Variants in DISC1 observed in about 807,000 individuals in gnomAD.
DISC1 encodes the protein DISC1 scaffold protein, also known as disrupted in schizophrenia 1 protein.
Under a neutral mutation model 84.5 loss-of-function variants are expected in DISC1, and 57 were observed. That is an observed-to-expected ratio of 0.67 (90% CI 0.55 to 0.84). The LOEUF (loss-of-function observed/expected upper bound fraction) is 0.84, where lower values mean the gene tolerates loss of function less well. Among genes scored for constraint, DISC1 ranks in the 40% least tolerant of loss-of-function variants. The probability of loss-of-function intolerance (pLI) is 0.00; values close to 1 mark genes in which losing one functional copy is unlikely to be tolerated. For missense variants in DISC1, 1,000 were observed against 1,057.8 expected, an observed-to-expected ratio of 0.95 and a Z score of 0.76; for synonymous variants, 411 against 415.2, an observed-to-expected ratio of 0.99 and a Z score of 0.12.
At chr1:231,857,107 C>T (rs886941911) in intron 9 of DISC1, among the ~76,000 whole-genome samples, 2 of 152,138 alleles carry the variant, frequency 1.3e-5, no homozygotes, top group African/African-American at 4.8e-5. Context: ...TGGGAATGTT[C>T]AAGGCCCTGG....
chr1:231,826,688 G>T lies in DISC1; in HGVS notation c.1981+8171G>T, dbSNP rs550842894. Among the ~76,000 whole-genome samples, 1 of 152,206 alleles carries T rather than the reference G, an allele frequency of 6.6e-6. No individual in the cohort carries two copies. Among genetic ancestry groups the T allele is most frequent in the Middle Eastern group, 3.4e-3 (1 of 294 alleles). On this transcript the variant is annotated intron_variant, in intron 9 of 12. Transcript: ENST00000439617. The surrounding 1 kb of genome is among the most constrained non-coding windows in gnomAD (Gnocchi z 4.2). ...AAGTTGAACTATAGCAATTTAATTGGATACATATTCATTGACTTCAAACCA... is the reference window on the plus strand; with the variant it reads ...AAGTTGAACTATAGCAATTTAATTGTATACATATTCATTGACTTCAAACCA...
chr1:231,779,526 G>A (rs1398881182), intron 6 of DISC1, among the ~76,000 whole-genome samples: 1 of 126,390 alleles, frequency 7.9e-6, no homozygotes, highest in Non-Finnish European at 1.6e-5. Flanking sequence ...TGTGGAATAT[G>A]TATACTTGGT....
intron 3 of DISC1, among the ~76,000 whole-genome samples, chr1:231,704,730 A>G (rs1332731704): frequency 5.2e-5 from 7 of 134,898 alleles, no homozygotes; most frequent in Non-Finnish European, 9.3e-5. Flanking sequence ...ACTGCACTCC[A>G]GCCTGGGCGA....
At chr1:231,760,277 G>A (rs895077364) in intron 4 of DISC1, among the ~76,000 whole-genome samples, 3 of 152,224 alleles carry the variant, frequency 2.0e-5, no homozygotes, top group South Asian at 4.1e-4. Flanking sequence ...TTAGGGCATC[G>A]TTTATTGAAT....
chr1:231,628,968 T>C (rs913200198), intron 1 of DISC1, among the ~76,000 whole-genome samples: 1 of 152,040 alleles, frequency 6.6e-6, no homozygotes, highest in African/African-American at 2.4e-5. Context: ...ACCTCCTGGC[T>C]TCAATCATTC....
chr1:231,692,047 A>G (rs2125641675), intron 1 of DISC1, among the ~76,000 whole-genome samples: 1 of 152,282 alleles, frequency 6.6e-6, no homozygotes, highest in Middle Eastern at 3.4e-3. Flanking sequence ...AGGCAAAGGG[A>G]ATTGAAAGGG....
At chr1:231,751,040 T>A (rs867629697) in intron 4 of DISC1, among the ~76,000 whole-genome samples, 25 of 152,220 alleles carry the variant, frequency 1.6e-4, no homozygotes, top group African/African-American at 5.8e-4. Flanking sequence ...TGTAGCAGAG[T>A]GAATGGCACC....
chr1:231,632,355 T>C (rs1288032640), intron 1 of DISC1, among the ~76,000 whole-genome samples: 1 of 152,216 alleles, frequency 6.6e-6, no homozygotes, highest in Non-Finnish European at 1.5e-5. Flanking sequence ...TGCTTGCTCA[T>C]CATAAAAAAA....
At chr1:232,012,370 T>C (rs1668093107) in intron 11 of DISC1, among the ~76,000 whole-genome samples, 1 of 152,182 alleles carries the variant, frequency 6.6e-6, no homozygotes, top group Admixed American at 6.5e-5. Flanking sequence ...GGGTCCAGGA[T>C]TTTAGACTAC....
chr1:231,917,307 A>G (rs1246027114), intron 9 of DISC1, among the ~76,000 whole-genome samples: 1 of 152,156 alleles, frequency 6.6e-6, no homozygotes, highest in African/African-American at 2.4e-5. Context: ...GATGCAATCA[A>G]ATTTGAGGAG....
chr1:231,854,511 A>G lies in DISC1; in HGVS notation c.1981+35994A>G, dbSNP rs192922074. On this transcript the variant is annotated intron_variant, in intron 9 of 12. Transcript: ENST00000439617. ...AAACCTTCTAATAAAACACTTAGCTATAACTATGAATTCTCATGTGCTCTT... is the reference window on the plus strand; with the variant it reads ...AAACCTTCTAATAAAACACTTAGCTGTAACTATGAATTCTCATGTGCTCTT... Among the ~76,000 whole-genome samples, 5 of 152,282 alleles carry G rather than the reference A, an allele frequency of 3.3e-5. No individual in the cohort carries two copies. In the South Asian group the frequency reaches 6.2e-4, roughly 19 times the overall value.
In DISC1 at chr1:231,818,519, T is replaced by G. The variant is rs770215229; in HGVS notation, c.1981+2T>G. The G allele has an allele frequency of 6.2e-7, 1 of 1,614,032 alleles. No individual in the cohort carries two copies. On this transcript the variant is annotated splice_donor_variant, in intron 9 of 12. Transcript: ENST00000439617. LOFTEE classifies it high-confidence loss of function. ...TGGAGCACCAGGAGACTGCCTATGG[T>G]AGGTAGTGCACAACTGTTCCCCGGC...
At chr1:231,651,806 T>A (rs1181874226) in intron 1 of DISC1, among the ~76,000 whole-genome samples, 4 of 151,882 alleles carry the variant, frequency 2.6e-5, no homozygotes, top group Admixed American at 2.6e-4. Context: ...CAGATGCCCC[T>A]CCCTCTGCCA....
intron 6 of DISC1, among the ~76,000 whole-genome samples, chr1:231,780,209 C>G (rs1437942116): frequency 2.4e-5 from 3 of 123,144 alleles, no homozygotes; most frequent in African/African-American, 9.4e-5. Context: ...GCACAATGTG[C>G]ACATGTACCC....
chr1:231,914,283 C>T (rs137904416), intron 9 of DISC1, among the ~76,000 whole-genome samples: 1 of 152,254 alleles, frequency 6.6e-6, no homozygotes, highest in African/African-American at 2.4e-5. Context: ...CTCACACTTA[C>T]ATCCCATTGG....
In DISC1 at chr1:231,627,196, G is replaced by A. The variant is rs113699860; in HGVS notation, c.67+262G>A. On this transcript the variant is annotated intron_variant, in intron 1 of 12. Transcript: ENST00000439617. ...GCGATCCCCGGGACCCGCAGTTTGCGAAACTGTAGGAGTCTGACCCGCGCC... is the reference window on the plus strand; with the variant it reads ...GCGATCCCCGGGACCCGCAGTTTGCAAAACTGTAGGAGTCTGACCCGCGCC... 6.6e-5 allele frequency among the ~76,000 whole-genome samples: 10 copies of A among 152,170 alleles called. No homozygotes were observed. The East Asian group carries it at 1.7e-3, about 27-fold the overall frequency.
chr1:232,008,349 G>A (rs749182505), intron 10 of DISC1, among the ~76,000 whole-genome samples: 3 of 152,202 alleles, frequency 2.0e-5, no homozygotes, highest in Admixed American at 1.3e-4. Context: ...TATTTAAGCC[G>A]AGTTCTGAAG....
chr1:232,004,853 C>A (rs1667144959), intron 10 of DISC1, among the ~76,000 whole-genome samples: 3 of 108,436 alleles, frequency 2.8e-5, no homozygotes, highest in African/African-American at 8.3e-5. Context: ...CCATCTCTCC[C>A]TCCCTCCCTC....
chr1:231,930,194 C>T (rs540512413), intron 9 of DISC1, among the ~76,000 whole-genome samples: 92 of 152,202 alleles, frequency 6.0e-4, no homozygotes, highest in African/African-American at 2.0e-3. Flanking sequence ...AATTGGAAGG[C>T]GCTTAGAGAT....
Sources: allele counts gnomAD v4.1 joint callset (sites outside exome capture counted in the v4.1 genomes callset), GRCh38; gene constraint gnomAD v4.1.1; non-coding constraint Gnocchi (gnomAD v3.1); transcripts MANE v1.5; gene names NCBI Gene and HGNC (gene_info 2026-07-23, HGNC 2026-07-21).